Variants in ABCB10 observed in about 807,000 individuals in gnomAD.
ABCB10 encodes ATP-binding cassette sub-family B member 10, mitochondrial.
A neutral mutation model predicts 65.4 loss-of-function variants in ABCB10; 54 were observed. That is an observed-to-expected ratio of 0.83 (90% CI 0.66 to 1.04). ABCB10 has a LOEUF of 1.04. Among genes scored for constraint, ABCB10 ranks in the 50% least tolerant of loss-of-function variants. ABCB10 has a pLI of 0.00. For missense variants in ABCB10, 846 were observed against 976.6 expected, an observed-to-expected ratio of 0.87 and a Z score of 1.78; for synonymous variants, 418 against 406.5, an observed-to-expected ratio of 1.03 and a Z score of -0.34.
Position 229,539,497 on chromosome 1 carries a change from GAAGA to G in ABCB10, c.1294_1297del (p.Ser432ProfsTer3). 1 of 1,613,952 alleles carries G rather than the reference GAAGA, an allele frequency of 6.2e-7. No homozygotes were observed. Among genetic ancestry groups the G allele is most frequent in the Non-Finnish European group, 8.5e-7 (1 of 1,179,884 alleles). ...AACCCAGAAAGCATACATTAGGAAG[GAAGA>G]GAGTTCACCCACGGTCATGTGGGCA... On this transcript the variant is annotated frameshift_variant, in exon 6 of 13. Coordinates refer to ENST00000344517, the MANE Select transcript of ABCB10 (RefSeq NM_012089.3). LOFTEE classifies it high-confidence loss of function.
At chr1:229,521,266 T>TA (rs1441157142) in intron 11 of ABCB10, among the ~76,000 whole-genome samples, 4 of 152,172 alleles carry the variant, frequency 2.6e-5, no homozygotes, top group Admixed American at 2.6e-4. Flanking sequence ...TATGCATACT[T>TA]ACGCTGTTTT....
intron 3 of ABCB10, among the ~76,000 whole-genome samples, chr1:229,546,628 CAGG>C (rs1662972833): frequency 6.6e-6 from 1 of 152,026 alleles, no homozygotes; most frequent in African/African-American, 2.4e-5. Context: ...CCCAGCACTT[CAGG>C]AGGCCGAGGC....
intron 11 of ABCB10, 48 bp downstream of exon 11, chr1:229,521,544 T>C: frequency 6.5e-7 from 1 of 1,538,634 alleles, no homozygotes; most frequent in South Asian, 1.2e-5. Flanking sequence ...AGGTCCCTAA[T>C]AAAAATAATC....
chr1:229,535,038 T>TAAAAAAAAAA (rs71173739), intron 6 of ABCB10: 43 of 47,498 alleles, frequency 9.1e-4, no homozygotes, highest in African/African-American at 1.1e-3. Flanking sequence ...AGACTCCCTT[T>TAAAAAAAAAA]AAAAAAAAAA....
chr1:229,548,143 A>C (rs987502079), intron 2 of ABCB10, among the ~76,000 whole-genome samples: 1 of 151,968 alleles, frequency 6.6e-6, no homozygotes, highest in Non-Finnish European at 1.5e-5. Flanking sequence ...CTGAAACTAC[A>C]GATGTCCGCC....
chr1:229,557,754 A>C (rs1663292967), intron 1 of ABCB10, among the ~76,000 whole-genome samples: 1 of 152,152 alleles, frequency 6.6e-6, no homozygotes, highest in Admixed American at 6.5e-5. Flanking sequence ...ATAAACGCCT[A>C]ATAACAAAAT....
At position 229,518,165 on chromosome 1, in the gene ABCB10, CAGTA is replaced by C; in HGVS notation, c.*10_*13del. 6.3e-7 allele frequency: 1 copy of C among 1,587,736 alleles called. No individual in the cohort carries two copies. ...TGCATTAAAGTCTCATATTGTTTAC[CAGTA>C]ATTGCTTCCTTATGCTGAAATAAAA... On this transcript the variant is annotated 3_prime_UTR_variant, in exon 13 of 13. Transcript: ENST00000344517.
At chr1:229,557,589 G>T (rs545094936) in intron 1 of ABCB10, among the ~76,000 whole-genome samples, 15 of 152,266 alleles carry the variant, frequency 9.9e-5, no homozygotes, top group Admixed American at 9.8e-4. Context: ...CTCAATTACT[G>T]AACAGATCAC....
At chr1:229,557,553 C>T (rs1663286296) in intron 1 of ABCB10, among the ~76,000 whole-genome samples, 1 of 152,176 alleles carries the variant, frequency 6.6e-6, no homozygotes, top group South Asian at 2.1e-4. Flanking sequence ...TAAAAACATT[C>T]ATTTTGGCTT....
At chr1:229,542,140 T>C (rs1381690844) in intron 4 of ABCB10, 97 bp downstream of exon 4, 26 of 1,435,962 alleles carry the variant, frequency 1.8e-5, no homozygotes, top group African/African-American at 5.7e-5. Flanking sequence ...AGGCACTTCA[T>C]TGAAAAACCT....
chr1:229,532,358 A>G (rs1212623393), intron 6 of ABCB10, among the ~76,000 whole-genome samples: 1 of 152,222 alleles, frequency 6.6e-6, no homozygotes, highest in East Asian at 1.9e-4. Context: ...CGCAGAGGAA[A>G]TCTACCTAGT....
At chr1:229,547,293 T>A (rs1482087428) in intron 3 of ABCB10, among the ~76,000 whole-genome samples, 1 of 152,202 alleles carries the variant, frequency 6.6e-6, no homozygotes, top group African/African-American at 2.4e-5. Flanking sequence ...TTCCAGATAA[T>A]CACTCATTCT....
chr1:229,519,070 G>GC (rs1328803940), intron 11 of ABCB10, 195 bp from the exon 12 acceptor site: 8 of 450,954 alleles, frequency 1.8e-5, no homozygotes, highest in Admixed American at 4.0e-5. Context: ...TCCACAACAG[G>GC]CACTTCTACA....
At chr1:229,542,784 A>C (rs1199275411) in intron 3 of ABCB10, among the ~76,000 whole-genome samples, 4 of 151,944 alleles carry the variant, frequency 2.6e-5, no homozygotes, top group African/African-American at 4.8e-5. Context: ...GGCACTGAAC[A>C]ACCACAGCAA....
At position 229,558,123 on chromosome 1, in the gene ABCB10, G is replaced by A; in HGVS notation, c.517+13C>T. ...GAGGCCCGGCGGAGGGAAGTGGCCGGGGAGGACCCTACCTGCCAGCCTCCG... is the reference window on the plus strand; with the variant it reads ...GAGGCCCGGCGGAGGGAAGTGGCCGAGGAGGACCCTACCTGCCAGCCTCCG... On this transcript the variant is annotated intron_variant, in intron 1 of 12. Transcript: ENST00000344517. 2 of 1,379,300 alleles carry A rather than the reference G, an allele frequency of 1.5e-6. No individual in the cohort carries two copies. The highest frequency in any genetic ancestry group is 1.5e-5 in the African/African-American group (1 of 65,876). 85.4% of individuals were successfully genotyped at this position (1,379,300 alleles called of 1,614,324 possible). A position where few individuals can be genotyped will look rare whatever the true frequency, so the allele number is the denominator to read the frequency against.
chr1:229,557,036 C>A (rs1003744525), intron 1 of ABCB10, among the ~76,000 whole-genome samples: 1 of 152,132 alleles, frequency 6.6e-6, no homozygotes, highest in Admixed American at 6.6e-5. Flanking sequence ...TGAAATAATT[C>A]TCTTTACACC....
In ABCB10 at chr1:229,558,271, C is replaced by G; in HGVS notation, c.382G>C (p.Ala128Pro). 1.6e-6 allele frequency: 2 copies of G among 1,264,824 alleles called. No homozygotes were observed. Among genetic ancestry groups the G allele is most frequent in the Non-Finnish European group, 9.9e-7 (1 of 1,008,696 alleles). The allele number at this position is 1,264,824 out of a possible 1,614,324, so 78.4% of individuals were successfully genotyped here. A position where few individuals can be genotyped will look rare whatever the true frequency, so the allele number is the denominator to read the frequency against. Residue 128 changes from alanine (A) to proline (P), a missense_variant, in exon 1 of 13, where the codon GCA becomes CCA. Coordinates refer to ENST00000344517, the MANE Select transcript of ABCB10 (RefSeq NM_012089.3). The part of the protein sequence containing the change: ...FPGGPAAAAW[A>P]GDEAWRRGPA... The stretch of plus-strand genomic sequence containing the variant: ...CCGCGCCGCCAGGCCTCGTCCCCTG[C>G]CCAGGCAGCGGCTGCGGGACCGCCC...
intron 1 of ABCB10, among the ~76,000 whole-genome samples, chr1:229,550,525 C>CAAAAAAAAAAAAAAAAAA (rs60323914): frequency 4.7e-4 from 30 of 63,532 alleles, no homozygotes; most frequent in African/African-American, 2.2e-3. Flanking sequence ...ATGCTGTCTC[C>CAAAAAAAAAAAAAAAAAA]AAAAAAAAAA....
intron 11 of ABCB10, 109 bp downstream of exon 11, chr1:229,521,483 A>AAAC: frequency 7.3e-7 from 1 of 1,370,540 alleles, no homozygotes; most frequent in Non-Finnish European, 1.0e-6. Context: ...GAAAAAAAAA[A>AAAC]AAACAAAAAA....
Sources: allele counts gnomAD v4.1 joint callset (sites outside exome capture counted in the v4.1 genomes callset), GRCh38; gene constraint gnomAD v4.1.1; transcripts MANE v1.5; gene names NCBI Gene and HGNC (gene_info 2026-07-23, HGNC 2026-07-21).